LYRM9: variants seen among roughly 807,000 people sequenced by gnomAD.
The protein encoded by LYRM9 is LYR motif containing 9, also known as LYR motif-containing protein 9.
LYRM9 carries 14 observed loss-of-function variants against 12.6 expected under a neutral mutation model. The observed-to-expected ratio is 1.11, with a 90% CI of 0.73 to 1.73. The LOEUF (loss-of-function observed/expected upper bound fraction) is 1.73. Among genes scored for constraint, LYRM9 ranks in the 40% most tolerant of loss-of-function variants. The pLI is 0.00. For synonymous variants in LYRM9, 42 were observed against 35.1 expected, an observed-to-expected ratio of 1.20 and a Z score of -0.69; for missense variants, 94 against 95.0, an observed-to-expected ratio of 0.99 and a Z score of 0.04.
chr17:27,879,697 G>C, intron 3 of LYRM9: 1 of 572,388 alleles, frequency 1.7e-6, no homozygotes, highest in Non-Finnish European at 3.1e-6. Flanking sequence ...AAAGGAAGCT[G>C]ACAGGGCTGG....
At chr17:27,887,711 A>AGG (rs199628365) in intron 1 of LYRM9, among the ~76,000 whole-genome samples, 16,515 of 100,728 alleles carry the variant, frequency 0.16, 1,022 homozygotes, top group African/African-American at 0.18. Flanking sequence ...TATAGGAGGG[A>AGG]GGGTGTGTGT....
intron 1 of LYRM9, among the ~76,000 whole-genome samples, chr17:27,887,713 G>GGAGGGTGTGTGTGTGTGT (rs1485417792): frequency 1.2e-5 from 1 of 86,730 alleles, no homozygotes; most frequent in African/African-American, 2.8e-5. Context: ...TAGGAGGGAG[G>GGAGGGTGTGTGTGTGTGT]GTGTGTGTGT....
intron 1 of LYRM9, chr17:27,892,961 A>AG (rs1445584472): frequency 6.5e-6 from 1 of 152,714 alleles, no homozygotes; most frequent in Non-Finnish European, 1.5e-5. Flanking sequence ...GGGACGGTGG[A>AG]GGGGACATTC....
At chr17:27,887,225 C>CA (rs1445633144) in intron 1 of LYRM9, among the ~76,000 whole-genome samples, 2 of 152,172 alleles carry the variant, frequency 1.3e-5, no homozygotes, top group East Asian at 1.9e-4. Flanking sequence ...CAACTTTTCC[C>CA]AAAATGTAGA....
At chr17:27,888,856 A>G (rs373108357) in intron 1 of LYRM9, among the ~76,000 whole-genome samples, 38 of 152,250 alleles carry the variant, frequency 2.5e-4, no homozygotes, top group Middle Eastern at 3.4e-3. Context: ...TGCTCAAGCT[A>G]TTGGAAAGTC....
chr17:27,882,773 C>A, intron 1 of LYRM9, 61 bp from the exon 2 acceptor site: 3 of 1,481,880 alleles, frequency 2.0e-6, no homozygotes, highest in Non-Finnish European at 1.8e-6. Flanking sequence ...CAGCCCTGAC[C>A]CCCAGTTCCC....
chr17:27,891,222 C>T (rs912972900), intron 1 of LYRM9, among the ~76,000 whole-genome samples: 3 of 152,180 alleles, frequency 2.0e-5, no homozygotes, highest in African/African-American at 7.2e-5. Flanking sequence ...GTCTCCCCTC[C>T]TGCTGTCCTT....
chr17:27,882,073 A>C (rs1905079395), intron 2 of LYRM9, among the ~76,000 whole-genome samples: 1 of 152,146 alleles, frequency 6.6e-6, no homozygotes, highest in Non-Finnish European at 1.5e-5. Context: ...TATTCTTTAC[A>C]GCATTTTTTT....
intron 1 of LYRM9, among the ~76,000 whole-genome samples, chr17:27,884,494 C>T (rs1161446339): frequency 6.6e-6 from 1 of 152,244 alleles, no homozygotes; most frequent in Non-Finnish European, 1.5e-5. Flanking sequence ...TCCTTCCCAT[C>T]TTCTCCGTGT....
At chr17:27,887,716 GTGTGTGTGTGTGTGTGTGT>G (rs1905280161) in intron 1 of LYRM9, among the ~76,000 whole-genome samples, 1 of 115,738 alleles carries the variant, frequency 8.6e-6, no homozygotes, top group African/African-American at 4.6e-5. Context: ...GAGGGAGGGT[GTGTGTGTGTGTGTGTGTGT>G]GTGTGTGTGT....
intron 1 of LYRM9, among the ~76,000 whole-genome samples, chr17:27,889,310 T>TA (rs1905342992): frequency 6.6e-6 from 1 of 151,258 alleles, no homozygotes; most frequent in Admixed American, 6.6e-5. Flanking sequence ...TTTTCTTTTT[T>TA]CTTTTTTTTT....
At chr17:27,889,026 A>C (rs1905330842) in intron 1 of LYRM9, among the ~76,000 whole-genome samples, 2 of 152,154 alleles carry the variant, frequency 1.3e-5, no homozygotes, top group South Asian at 4.1e-4. Flanking sequence ...TTTCCAATGT[A>C]AGCAGCGGGG....
At position 27,890,936 on chromosome 17, in the gene LYRM9, T is replaced by A. The variant is rs189176494; in HGVS notation, c.-19+2381A>T. Among the ~76,000 whole-genome samples the A allele has an allele frequency of 3.7e-3, 540 of 146,574 alleles. 4 individuals are homozygous for A. Among genetic ancestry groups the A allele is most frequent in the Admixed American group, 3.6e-3 (52 of 14,512 alleles). ...GGGCAGCAATCCCTGCCTCCCCCAG[T>A]CCCTCTCCTACATAGCCAAGGCTCT... On this transcript the variant is annotated intron_variant, in intron 1 of 3. Coordinates refer to ENST00000379102, the MANE Select transcript of LYRM9 (RefSeq NM_001076680.3).
intron 1 of LYRM9, 160 bp downstream of exon 1, chr17:27,893,157 C>G (rs2142604843): frequency 6.6e-6 from 1 of 152,374 alleles, no homozygotes; most frequent in East Asian, 1.9e-4. Context: ...GCGCAGACCG[C>G]AAGGGAAAAG....
intron 1 of LYRM9, among the ~76,000 whole-genome samples, chr17:27,885,586 T>C (rs1905204654): frequency 6.6e-6 from 1 of 151,244 alleles, no homozygotes; most frequent in African/African-American, 2.4e-5. Flanking sequence ...GGCATGCGCC[T>C]GTAGTCCCAG....
At position 27,882,954 on chromosome 17, in the gene LYRM9, G is replaced by A. The variant is rs73267188; in HGVS notation, c.-18-242C>T. The A allele has an allele frequency of 9.2e-4, 553 of 598,730 alleles. 3 individuals are homozygous for A. The highest frequency in any genetic ancestry group is 8.3e-3 in the African/African-American group (453 of 54,544). 37.1% of individuals were successfully genotyped at this position (598,730 alleles called of 1,614,324 possible). ...GGAGACTTACAGCCTCATCCCTGGC[G>A]TCTTCTTTCTGGAACTCAACTTCAA... On this transcript the variant is annotated intron_variant, in intron 1 of 3. Transcript: ENST00000379102.
At chr17:27,889,365 T>C (rs1905347802) in intron 1 of LYRM9, among the ~76,000 whole-genome samples, 1 of 151,816 alleles carries the variant, frequency 6.6e-6, no homozygotes, top group African/African-American at 2.4e-5. Flanking sequence ...TGTAGTGCAA[T>C]GGCGCAATCT....
intron 2 of LYRM9, among the ~76,000 whole-genome samples, 188 bp downstream of exon 2, chr17:27,882,381 G>A (rs1006002887): frequency 6.6e-6 from 1 of 152,186 alleles, no homozygotes; most frequent in African/African-American, 2.4e-5. Flanking sequence ...TGTGCTGGGT[G>A]AGGCACCCTC....
At chr17:27,892,361 A>G (rs991225746) in intron 1 of LYRM9, 47 of 452,652 alleles carry the variant, frequency 1.0e-4, no homozygotes, top group African/African-American at 8.5e-4. Context: ...AGAAAAATAT[A>G]TATACGGTTA....
Sources: gnomAD v4.1 joint callset for allele counts (sites outside exome capture counted in the v4.1 genomes callset) on GRCh38, gnomAD v4.1.1 for gene constraint, MANE v1.5 for transcripts, NCBI Gene and HGNC (gene_info 2026-07-23, HGNC 2026-07-21) for gene names.